NLGN1: variants seen among roughly 807,000 people sequenced by gnomAD.
The protein encoded by NLGN1 is neuroligin 1.
Under a neutral mutation model 65.5 loss-of-function variants are expected in NLGN1, and 12 were observed. That is an observed-to-expected ratio of 0.18 (90% CI 0.12 to 0.30). The LOEUF (loss-of-function observed/expected upper bound fraction) is 0.30. Ranked by LOEUF, NLGN1 falls within the 10% of genes least tolerant of loss-of-function variation. The pLI is 1.00. For missense variants in NLGN1, 750 were observed against 1,007.1 expected (o/e 0.74, Z 3.46); for synonymous variants, 350 against 359.5 (o/e 0.97, Z 0.30).
intron 1 of NLGN1, among the ~76,000 whole-genome samples, chr3:173,433,522 C>T (rs1717576859): frequency 6.6e-6 from 1 of 152,134 alleles, no homozygotes; most frequent in Non-Finnish European, 1.5e-5. Flanking sequence ...GGAAGAGGGC[C>T]TGATCTTTCA....
intron 3 of NLGN1, among the ~76,000 whole-genome samples, chr3:173,675,164 A>G (rs1762952889): frequency 6.6e-6 from 1 of 152,158 alleles, no homozygotes; most frequent in Non-Finnish European, 1.5e-5. Context: ...AGCAGCAGAA[A>G]GGAAAAAAAT....
intron 4 of NLGN1, among the ~76,000 whole-genome samples, chr3:173,854,238 A>G (rs994164880): frequency 3.3e-5 from 5 of 152,076 alleles, no homozygotes; most frequent in African/African-American, 1.2e-4. Flanking sequence ...ATAGCCACTT[A>G]GGAACTCATT....
intron 4 of NLGN1, among the ~76,000 whole-genome samples, chr3:174,107,017 C>CAGAGAGAGAGAGAGAGAG (rs71162376): frequency 3.1e-5 from 3 of 97,688 alleles, no homozygotes; most frequent in South Asian, 4.2e-4. Context: ...CACACACACA[C>CAGAGAGAGAGAGAGAGAG]AGAGAGAGAG....
At chr3:173,894,222 G>A (rs1199394613) in intron 4 of NLGN1, among the ~76,000 whole-genome samples, 1 of 152,054 alleles carries the variant, frequency 6.6e-6, no homozygotes, top group African/African-American at 2.4e-5. Context: ...ACATCATATA[G>A]TTAGTGTAGT....
chr3:173,720,290 T>C (rs915280333), intron 3 of NLGN1, among the ~76,000 whole-genome samples: 3 of 151,578 alleles, frequency 2.0e-5, no homozygotes, highest in African/African-American at 4.8e-5. Context: ...GCCGGCGGGG[T>C]GAGAATTGTC....
chr3:173,656,429 T>C (rs1402623646), intron 3 of NLGN1, among the ~76,000 whole-genome samples: 1 of 152,124 alleles, frequency 6.6e-6, no homozygotes, highest in African/African-American at 2.4e-5. Context: ...TTGCAAAACA[T>C]ACAGAGATGT....
chr3:174,041,861 C>A (rs2152490174), intron 4 of NLGN1, among the ~76,000 whole-genome samples: 1 of 152,276 alleles, frequency 6.6e-6, no homozygotes, highest in Admixed American at 6.5e-5. Flanking sequence ...TGAGACCAGC[C>A]TGACCAACAT....
intron 4 of NLGN1, among the ~76,000 whole-genome samples, chr3:173,881,918 G>C (rs1214017087): frequency 6.6e-6 from 1 of 152,090 alleles, no homozygotes; most frequent in Non-Finnish European, 1.5e-5. Flanking sequence ...ACTTTGCCCA[G>C]ATTCGTCAGA....
At chr3:174,126,446 G>A (rs1027635028) in intron 4 of NLGN1, among the ~76,000 whole-genome samples, 3 of 152,076 alleles carry the variant, frequency 2.0e-5, no homozygotes, top group African/African-American at 7.2e-5. Context: ...AGTGTTGAAT[G>A]GATGTGACTT....
chr3:173,690,213 A>C (rs578237636), intron 3 of NLGN1, among the ~76,000 whole-genome samples: 1 of 152,190 alleles, frequency 6.6e-6, no homozygotes, highest in Admixed American at 6.5e-5. Context: ...GGCTTGTATT[A>C]AATATTGTGC....
chr3:173,656,570 C>T (rs1335825936), intron 3 of NLGN1, among the ~76,000 whole-genome samples: 3 of 152,026 alleles, frequency 2.0e-5, no homozygotes, highest in Non-Finnish European at 2.9e-5. Flanking sequence ...GTTGGTGAGA[C>T]CCAGCTAACG....
intron 4 of NLGN1, among the ~76,000 whole-genome samples, chr3:174,074,131 T>G (rs1326535411): frequency 6.6e-6 from 1 of 152,116 alleles, no homozygotes; most frequent in Non-Finnish European, 1.5e-5. Context: ...TGGAATCCAG[T>G]GTAGAGGGAG....
intron 4 of NLGN1, among the ~76,000 whole-genome samples, chr3:174,231,250 C>G (rs193257250): frequency 2.6e-5 from 4 of 152,254 alleles, no homozygotes; most frequent in African/African-American, 9.6e-5. Flanking sequence ...ATTTGCGAAT[C>G]GGAGAGTCCC....
rs62290310 is a variant in NLGN1, at chr3:174,111,625, G to A, written c.647-163690G>A. Among the ~76,000 whole-genome samples, 249 of 151,828 alleles carry A rather than the reference G, an allele frequency of 1.6e-3. 2 individuals carry two copies. Among genetic ancestry groups the A allele is most frequent in the South Asian group, 3.5e-3 (17 of 4,808 alleles). Reference sequence around the variant, plus strand: ...CTACTTTTAATTAATACATGTTTATGCAATAAAACCCTAAAAAAAGGAAAG... The same window carrying A: ...CTACTTTTAATTAATACATGTTTATACAATAAAACCCTAAAAAAAGGAAAG... On this transcript the variant is annotated intron_variant, in intron 4 of 6. Transcript: ENST00000457714.
At chr3:173,901,986 T>G (rs1737463821) in intron 4 of NLGN1, among the ~76,000 whole-genome samples, 1 of 152,136 alleles carries the variant, frequency 6.6e-6, no homozygotes, top group South Asian at 2.1e-4. Flanking sequence ...AAACTGACTA[T>G]TGGATCTTCT....
chr3:173,562,456 A>G (rs537991844), intron 2 of NLGN1, among the ~76,000 whole-genome samples: 41 of 152,062 alleles, frequency 2.7e-4, no homozygotes, highest in Admixed American at 1.4e-3. Flanking sequence ...AGTCCCAGCT[A>G]CTTGGGAGGC....
In NLGN1 at chr3:173,452,388, G is replaced by A. The variant is rs187012274; in HGVS notation, c.-321+17310G>A. Reference sequence around the variant, plus strand: ...TTTTTGGTAGAGACGGGGTTTCATCGTGTTAGCTAGGATAGTCTCGATCTC... The same window carrying A: ...TTTTTGGTAGAGACGGGGTTTCATCATGTTAGCTAGGATAGTCTCGATCTC... On this transcript the variant is annotated intron_variant, in intron 2 of 6. Coordinates refer to ENST00000457714, the Ensembl canonical transcript of NLGN1. Among the ~76,000 whole-genome samples the A allele has an allele frequency of 4.4e-3, 666 of 152,102 alleles. 8 individuals are homozygous for A. Among genetic ancestry groups the A allele is most frequent in the African/African-American group, 0.015 (629 of 41,500 alleles).
chr3:173,928,587 A>G lies in NLGN1; in HGVS notation c.646+120755A>G, dbSNP rs570762702. On this transcript the variant is annotated intron_variant, in intron 4 of 6. Transcript: ENST00000457714. ...TAAAAGGCCTTTGCCTTAATGTTCAACTTTGTATTTGGTATGAGGTCTCTC... is the reference window on the plus strand; with the variant it reads ...TAAAAGGCCTTTGCCTTAATGTTCAGCTTTGTATTTGGTATGAGGTCTCTC... Among the ~76,000 whole-genome samples, 25 of 152,196 alleles carry G rather than the reference A, an allele frequency of 1.6e-4. No homozygotes were observed. The South Asian group carries it at 4.8e-3, about 29-fold the overall frequency.
intron 4 of NLGN1, among the ~76,000 whole-genome samples, chr3:174,040,472 C>T (rs1357263052): frequency 6.6e-6 from 1 of 152,096 alleles, no homozygotes; most frequent in East Asian, 1.9e-4. Context: ...AAATAACTGA[C>T]ACTCATTAAA....
Sources: allele counts gnomAD v4.1 joint callset (sites outside exome capture counted in the v4.1 genomes callset), GRCh38; gene constraint gnomAD v4.1.1; transcripts MANE v1.5; gene names NCBI Gene and HGNC (gene_info 2026-07-23, HGNC 2026-07-21).